The following VIRMA variants were observed in gnomAD, a reference collection of about 807,000 sequenced individuals.
VIRMA encodes protein virilizer homolog.
In VIRMA, 65 loss-of-function variants were observed where a neutral mutation model predicts 182.4. The ratio of observed to expected loss-of-function variants is 0.36; its 90% CI spans 0.29 to 0.44. The LOEUF is 0.44. Ranked by LOEUF, VIRMA falls within the 20% of genes least tolerant of loss-of-function variation. The probability of loss-of-function intolerance (pLI) is 1.00; values close to 1 mark genes in which losing one functional copy is unlikely to be tolerated. For synonymous variants in VIRMA, 709 were observed against 743.1 expected (o/e 0.95, Z 0.75); for missense variants, 1,752 against 2,158.1 (o/e 0.81, Z 3.73).
At chr8:94,508,158 C>T (rs1346435690) in intron 15 of VIRMA, among the ~76,000 whole-genome samples, 1 of 152,026 alleles carries the variant, frequency 6.6e-6, no homozygotes, top group Non-Finnish European at 1.5e-5. Context: ...GCAATCTCGG[C>T]TCATTGCAAC....
At chr8:94,534,745 AAAAC>A in intron 5 of VIRMA, 90 bp downstream of exon 5, 1 of 1,482,572 alleles carries the variant, frequency 6.7e-7, no homozygotes, top group Non-Finnish European at 9.2e-7. Flanking sequence ...AAATAAAACA[AAAAC>A]AAAAGGTAAA....
rs773073608 is a variant in VIRMA at position 94,529,036 on chromosome 8, C to T, written c.880+34G>A. 19 of 1,606,158 alleles carry T rather than the reference C, an allele frequency of 1.2e-5. 2 individuals are homozygous for T. In the South Asian group the frequency reaches 2.0e-4, roughly 17 times the overall value. On this transcript the variant is annotated intron_variant, in intron 7 of 23. Transcript: ENST00000297591. ...AGCTGTATCGAGTTAGTTTCTAGTA[C>T]TTAAACCCCAAAGTCCTAGCTAACA...
At chr8:94,502,900 GCCAA>G (rs373593791) in intron 16 of VIRMA, among the ~76,000 whole-genome samples, 1 of 152,174 alleles carries the variant, frequency 6.6e-6, no homozygotes, top group East Asian at 1.9e-4. Flanking sequence ...GGGCACAGAA[GCCAA>G]CCTGAAAGAT....
At chr8:94,495,655 C>A (rs1022059309) in intron 19 of VIRMA, 76 bp downstream of exon 19, 18 of 1,232,654 alleles carry the variant, frequency 1.5e-5, no homozygotes, top group Non-Finnish European at 2.0e-5. Flanking sequence ...TAGAAAAAAA[C>A]GTTTGCTGGC....
chr8:94,528,741 C>G (rs994564548), intron 7 of VIRMA, among the ~76,000 whole-genome samples: 5 of 152,214 alleles, frequency 3.3e-5, no homozygotes, highest in African/African-American at 1.2e-4. Flanking sequence ...AAATCCCTAA[C>G]CAACATGTAT....
chr8:94,510,496 G>A lies in VIRMA; in HGVS notation c.3547C>T (p.Gln1183Ter). 1 of 1,614,046 alleles carries A rather than the reference G, an allele frequency of 6.2e-7. No individual in the cohort carries two copies. The highest frequency in any genetic ancestry group is 2.2e-5 in the East Asian group (1 of 44,862). ...IQHMLRRICV[Q>*]LCDLASPTAL... ...GTTGGTGAGGCAAGGTCACACAATTGAACACAAATACGCCGTAACATATGT... is the reference window on the plus strand; with the variant it reads ...GTTGGTGAGGCAAGGTCACACAATTAAACACAAATACGCCGTAACATATGT... Residue 1183 changes from glutamine to a stop codon, truncating the protein, a stop_gained, in exon 14 of 24, where the codon CAA becomes TAA. Transcript: ENST00000297591. LOFTEE classifies it high-confidence loss of function.
intron 15 of VIRMA, among the ~76,000 whole-genome samples, chr8:94,507,384 C>G (rs1308168239): frequency 6.6e-6 from 1 of 151,712 alleles, no homozygotes; most frequent in Non-Finnish European, 1.5e-5. Flanking sequence ...ATCCACCTGC[C>G]TCGGCCTCCC....
At chr8:94,502,226 T>C (rs1301812867) in intron 16 of VIRMA, among the ~76,000 whole-genome samples, 3 of 152,052 alleles carry the variant, frequency 2.0e-5, no homozygotes, top group Non-Finnish European at 4.4e-5. Context: ...GTCTTTTTCA[T>C]GCAAATGAAG....
At chr8:94,489,388 T>C (rs1813543060) in intron 23 of VIRMA, among the ~76,000 whole-genome samples, 1 of 152,202 alleles carries the variant, frequency 6.6e-6, no homozygotes, top group Non-Finnish European at 1.5e-5. Context: ...TGGGCATTCA[T>C]TCAAGGATAT....
intron 9 of VIRMA, among the ~76,000 whole-genome samples, chr8:94,518,369 T>C (rs961113267): frequency 6.6e-6 from 1 of 152,194 alleles, no homozygotes; most frequent in Admixed American, 6.5e-5. Context: ...CAGCTAGGCA[T>C]GAAAGTCATT....
At chr8:94,549,150 C>G in intron 1 of VIRMA, among the ~76,000 whole-genome samples, 1 of 152,206 alleles carries the variant, frequency 6.6e-6, no homozygotes, top group Non-Finnish European at 1.5e-5. Flanking sequence ...AGTTTAACTG[C>G]TTATCTTCTG....
rs766222728 is a variant in VIRMA at position 94,499,490 on chromosome 8, T to C, written c.4114A>G (p.Ser1372Gly). The C allele has an allele frequency of 1.9e-6, 3 of 1,546,566 alleles. No individual in the cohort carries two copies. The highest frequency in any genetic ancestry group is 3.4e-5 in the Admixed American group (2 of 58,054). The change falls in exon 17 of 24, where the codon AGT becomes GGT. Residue 1372 changes from serine (S) to glycine (G), a missense_variant. Physicochemically the swap from Ser to Gly is moderately conservative, Grantham distance 56 (BLOSUM62 0). This residue lies in a region of VIRMA where 777 missense variants were observed against 920.6 expected (regional missense o/e 0.84). Transcript: ENST00000297591. ...FHLKSSLRKN[S>G]SALHSLLKRV... ...TTCAGTAAACTATGCAGAGCACTAC[T>C]GTTTTTCCTTAAAGAACTGTAAATA...
intron 1 of VIRMA, among the ~76,000 whole-genome samples, chr8:94,552,319 A>T (rs1170588110): frequency 6.6e-6 from 1 of 151,926 alleles, no homozygotes; most frequent in Non-Finnish European, 1.5e-5. Flanking sequence ...ACTACCCACT[A>T]TCATTACTAT....
At chr8:94,515,097 TC>T in intron 10 of VIRMA, 146 bp from the exon 11 acceptor site, 1 of 429,106 alleles carries the variant, frequency 2.3e-6, no homozygotes. Flanking sequence ...TGCATCTAAT[TC>T]TTTTTTTTTT....
At chr8:94,491,413 C>T (rs1480183280) in intron 22 of VIRMA, among the ~76,000 whole-genome samples, 165 bp downstream of exon 22, 1 of 152,082 alleles carries the variant, frequency 6.6e-6, no homozygotes, top group Admixed American at 6.5e-5. Flanking sequence ...TTTCTTTCTT[C>T]TATCCAATAG....
intron 16 of VIRMA, among the ~76,000 whole-genome samples, chr8:94,503,708 C>G (rs549954438): frequency 6.6e-6 from 1 of 152,200 alleles, no homozygotes; most frequent in African/African-American, 2.4e-5. Context: ...GAGGATAATA[C>G]AAGTGTAAGG....
Position 94,506,605 on chromosome 8 carries a change from AACAG to A in VIRMA, c.3988_3991del (p.Leu1330TrpfsTer4), listed in dbSNP as rs773202743. The A allele has an allele frequency of 6.2e-7, 1 of 1,613,842 alleles. No individual in the cohort carries two copies. Among genetic ancestry groups the A allele is most frequent in the South Asian group, 1.1e-5 (1 of 91,080 alleles). On this transcript the variant is annotated frameshift_variant, in exon 16 of 24. Transcript: ENST00000297591. LOFTEE classifies it high-confidence loss of function. ...GCTCTCAGAGTTAGCTAGCGTAGCC[AACAG>A]ACAGTCACAGATTGAGGTCATCAAT... is the stretch of plus-strand genomic sequence containing the variant.
intron 5 of VIRMA, among the ~76,000 whole-genome samples, chr8:94,532,107 T>G (rs889198280): frequency 6.6e-6 from 1 of 152,136 alleles, no homozygotes; most frequent in Non-Finnish European, 1.5e-5. Flanking sequence ...TTGTTTCTTT[T>G]TATGTTTTGT....
In VIRMA at chr8:94,495,808, G is replaced by A. The variant is rs1303288583; in HGVS notation, c.4467C>T (p.Asp1489=). 1.2e-6 allele frequency: 2 copies of A among 1,613,484 alleles called. No homozygotes were observed. The highest frequency in any genetic ancestry group is 1.3e-5 in the African/African-American group (1 of 74,884). The change falls in exon 19 of 24, where the codon GAC becomes GAT. Residue 1489 remains aspartate (D), a synonymous_variant. Transcript: ENST00000297591. ...GLKQMLESSG[D]PLPLSDQDVE... ...CATCCTGGTCACTGAGAGGTAAAGGGTCACCTGATGACTCCAGCATCTGCT... is the reference window on the plus strand; with the variant it reads ...CATCCTGGTCACTGAGAGGTAAAGGATCACCTGATGACTCCAGCATCTGCT...
Sources: allele counts gnomAD v4.1 joint callset (sites outside exome capture counted in the v4.1 genomes callset), GRCh38; gene constraint gnomAD v4.1.1; regional missense constraint gnomAD v4.1.1; transcripts MANE v1.5; gene names NCBI Gene and HGNC (gene_info 2026-07-23, HGNC 2026-07-21).